The following DDR2 variants were observed in gnomAD, a reference collection of about 807,000 sequenced individuals.
The protein encoded by DDR2 is discoidin domain receptor tyrosine kinase 2.
A neutral mutation model predicts 94.9 loss-of-function variants in DDR2; 27 were observed. The ratio of observed to expected loss-of-function variants is 0.28; its 90% CI spans 0.21 to 0.39. The LOEUF is 0.39. Among genes scored for constraint, DDR2 ranks in the 10% least tolerant of loss-of-function variants. The pLI is 1.00. For synonymous variants in DDR2, 382 were observed against 377.2 expected, an observed-to-expected ratio of 1.01 and a Z score of -0.15; for missense variants, 783 against 1,076.0, an observed-to-expected ratio of 0.73 and a Z score of 3.81.
At chr1:162,748,425 G>A (rs905021165) in intron 3 of DDR2, among the ~76,000 whole-genome samples, 5 of 152,186 alleles carry the variant, frequency 3.3e-5, no homozygotes, top group African/African-American at 9.6e-5. Context: ...TAATGGTAAA[G>A]GGATCAATTC....
At chr1:162,659,245 CA>C (rs1408481478) in intron 2 of DDR2, among the ~76,000 whole-genome samples, 1 of 152,044 alleles carries the variant, frequency 6.6e-6, no homozygotes, top group Middle Eastern at 3.2e-3. Context: ...CAGGACCTGA[CA>C]AATGGTTGAA....
At chr1:162,740,001 G>A (rs1367081048) in intron 3 of DDR2, among the ~76,000 whole-genome samples, 1 of 151,364 alleles carries the variant, frequency 6.6e-6, no homozygotes, top group Non-Finnish European at 1.5e-5. Flanking sequence ...GAGCTTTGGA[G>A]GGAGTCTGTA....
At chr1:162,741,258 G>GTAATGTAATATAATATAATATAATA (rs1662595881) in intron 3 of DDR2, among the ~76,000 whole-genome samples, 3 of 107,048 alleles carry the variant, frequency 2.8e-5, no homozygotes, top group African/African-American at 1.1e-4. Flanking sequence ...ATAATGTAAT[G>GTAATGTAATATAATATAATATAATA]TAATGTAATA....
chr1:162,771,451 G>C (rs781058893), intron 12 of DDR2, among the ~76,000 whole-genome samples: 2 of 152,150 alleles, frequency 1.3e-5, no homozygotes, highest in Non-Finnish European at 2.9e-5. Flanking sequence ...ACATGAAAGA[G>C]CATGCTAAAT....
At chr1:162,755,874 T>C in intron 7 of DDR2, 105 bp downstream of exon 7, 2 of 963,718 alleles carry the variant, frequency 2.1e-6, no homozygotes, top group Non-Finnish European at 3.3e-6. Context: ...CAGTATTTAT[T>C]TAGTTCTTGT....
intron 2 of DDR2, among the ~76,000 whole-genome samples, chr1:162,666,696 G>T (rs1229115416): frequency 2.0e-5 from 3 of 151,932 alleles, no homozygotes; most frequent in African/African-American, 4.8e-5. Flanking sequence ...TATTTTTTCT[G>T]CATTTTTTAA....
At chr1:162,639,204 A>T (rs1656997553) in intron 1 of DDR2, among the ~76,000 whole-genome samples, 1 of 152,230 alleles carries the variant, frequency 6.6e-6, no homozygotes, top group Admixed American at 6.5e-5. Flanking sequence ...GAATGAGAAC[A>T]AAGTCAAAGG....
At chr1:162,636,197 C>T (rs1217647513) in intron 1 of DDR2, among the ~76,000 whole-genome samples, 5 of 152,110 alleles carry the variant, frequency 3.3e-5, no homozygotes, top group African/African-American at 1.2e-4. Flanking sequence ...TTTATAAACC[C>T]CAGCATTTGG....
At chr1:162,704,295 C>T (rs948540060) in intron 2 of DDR2, among the ~76,000 whole-genome samples, 5 of 152,050 alleles carry the variant, frequency 3.3e-5, no homozygotes, top group Non-Finnish European at 5.9e-5. Flanking sequence ...TGCCTTGGAG[C>T]AATGGAGTCT....
intron 3 of DDR2, among the ~76,000 whole-genome samples, chr1:162,729,500 G>A (rs1558050914): frequency 6.8e-6 from 1 of 147,538 alleles, no homozygotes; most frequent in Non-Finnish European, 1.5e-5. Flanking sequence ...TAAGTGGGAG[G>A]TGATGAGTTG....
intron 2 of DDR2, among the ~76,000 whole-genome samples, chr1:162,715,342 G>T (rs545326128): frequency 1.6e-4 from 24 of 152,148 alleles, no homozygotes; most frequent in Non-Finnish European, 3.2e-4. Context: ...GAAACATTAT[G>T]TTTTTAGAGC....
intron 2 of DDR2, among the ~76,000 whole-genome samples, chr1:162,693,660 G>A (rs539487130): frequency 5.3e-5 from 8 of 152,292 alleles, no homozygotes; most frequent in Non-Finnish European, 1.0e-4. Flanking sequence ...AATGGAGCTG[G>A]GCTGAGGGTT....
At chr1:162,691,662 T>C (rs1032295692) in intron 2 of DDR2, among the ~76,000 whole-genome samples, 11 of 152,220 alleles carry the variant, frequency 7.2e-5, no homozygotes, top group Non-Finnish European at 1.3e-4. Context: ...TTTGCTGATT[T>C]CCATTGAGTA....
chr1:162,651,202 T>C (rs1057428900), intron 1 of DDR2, among the ~76,000 whole-genome samples: 11 of 152,180 alleles, frequency 7.2e-5, no homozygotes, highest in African/African-American at 2.7e-4. Context: ...CCAAAGCCTT[T>C]CCCGGCTCTC....
intron 2 of DDR2, among the ~76,000 whole-genome samples, chr1:162,680,256 T>C (rs1659338496): frequency 6.6e-6 from 1 of 152,244 alleles, no homozygotes; most frequent in Admixed American, 6.5e-5. Context: ...AAAGTTTCTA[T>C]GGTTTTAGGT....
chr1:162,671,466 A>G (rs1658835036), intron 2 of DDR2, among the ~76,000 whole-genome samples: 2 of 152,256 alleles, frequency 1.3e-5, no homozygotes, highest in South Asian at 2.1e-4. Flanking sequence ...GTGAGTTATG[A>G]TAGAGGAAGA....
Position 162,781,252 on chromosome 1 carries a change from T to C in DDR2, c.*1006T>C, listed in dbSNP as rs943064894. ...TTTCAAGGATGAAGCCTCTGTGGGATCTTTGGGCTTGGGGCTGAATTTCTC... is the reference window on the plus strand; with the variant it reads ...TTTCAAGGATGAAGCCTCTGTGGGACCTTTGGGCTTGGGGCTGAATTTCTC... On this transcript the variant is annotated 3_prime_UTR_variant, in exon 18 of 18. Coordinates refer to ENST00000367921, the MANE Select transcript of DDR2 (RefSeq NM_006182.4). The C allele has an allele frequency of 1.3e-5, 2 of 152,184 alleles. No individual in the cohort carries two copies. The highest frequency in any genetic ancestry group is 2.9e-5 in the Non-Finnish European group (2 of 68,036). The allele number at this position is 152,184 out of a possible 1,614,324, so 9.4% of individuals were successfully genotyped here.
At chr1:162,748,350 CCT>C in intron 3 of DDR2, among the ~76,000 whole-genome samples, 1 of 152,150 alleles carries the variant, frequency 6.6e-6, no homozygotes, top group Non-Finnish European at 1.5e-5. Flanking sequence ...GGGTTGCAAT[CCT>C]AGTCTCTGAT....
intron 1 of DDR2, among the ~76,000 whole-genome samples, chr1:162,652,392 A>G (rs183878264): frequency 1.3e-5 from 2 of 152,330 alleles, no homozygotes; most frequent in East Asian, 3.9e-4. Flanking sequence ...AATGTAGGAA[A>G]GCAGACTCGT....
Sources: gnomAD v4.1 joint callset for allele counts (sites outside exome capture counted in the v4.1 genomes callset) on GRCh38, gnomAD v4.1.1 for gene constraint, MANE v1.5 for transcripts, NCBI Gene and HGNC (gene_info 2026-07-23, HGNC 2026-07-21) for gene names.